BEST3: variants seen among roughly 807,000 people sequenced by gnomAD.
BEST3 encodes the protein bestrophin 3, also known as bestrophin-3.
Under a neutral mutation model 47.1 loss-of-function variants are expected in BEST3, and 50 were observed. The observed-to-expected ratio is 1.06, with a 90% CI of 0.85 to 1.34. BEST3 has a LOEUF of 1.34. Ranked by LOEUF, BEST3 falls within the 40% of genes most tolerant of loss-of-function variation. The pLI, the probability that BEST3 is intolerant of heterozygous loss-of-function variation, is 0.00. For missense variants in BEST3, 765 were observed against 817.0 expected (o/e 0.94, Z 0.78); for synonymous variants, 282 against 298.8 (o/e 0.94, Z 0.58).
At chr12:69,670,210 A>T in intron 9 of BEST3, 3 of 459,466 alleles carry the variant, frequency 6.5e-6, no homozygotes, top group Non-Finnish European at 1.2e-5. Flanking sequence ...AGACATGCAT[A>T]CAACAAGAGA....
intron 9 of BEST3, among the ~76,000 whole-genome samples, chr12:69,663,235 A>G (rs964669664): frequency 2.0e-5 from 3 of 152,214 alleles, no homozygotes; most frequent in African/African-American, 7.2e-5. Context: ...TTCTAACTCT[A>G]CCTCAAGCCA....
chr12:69,668,410 G>A (rs1489358671), intron 9 of BEST3, among the ~76,000 whole-genome samples: 3 of 152,150 alleles, frequency 2.0e-5, no homozygotes, highest in South Asian at 4.1e-4. Context: ...ATCTTGACAC[G>A]TGATCTTCAC....
rs1257073231 is a variant in BEST3 at position 69,654,287 on chromosome 12, A to T, written c.*620T>A. Reference sequence around the variant, plus strand: ...GGGAAAAAAAGGATGACAGAATAAAAGGAAAAGAGAGAAAAGTAAAAAAGG... The same window carrying T: ...GGGAAAAAAAGGATGACAGAATAAATGGAAAAGAGAGAAAAGTAAAAAAGG... On this transcript the variant is annotated 3_prime_UTR_variant, in exon 10 of 10. Coordinates refer to ENST00000330891, the MANE Select transcript of BEST3 (RefSeq NM_032735.3). The T allele has an allele frequency of 1.0e-6, 1 of 984,766 alleles. No individual in the cohort carries two copies. The highest frequency in any genetic ancestry group is 1.1e-4 in the East Asian group (1 of 8,828). The allele number at this position is 984,766 out of a possible 1,614,324, so 61.0% of individuals were successfully genotyped here.
intron 2 of BEST3, among the ~76,000 whole-genome samples, chr12:69,694,715 T>G (rs1886069928): frequency 6.6e-6 from 1 of 152,178 alleles, no homozygotes; most frequent in South Asian, 2.1e-4. Context: ...TTTTAAAAAC[T>G]TTATATTTTA....
At position 69,685,773 on chromosome 12, in the gene BEST3, C is replaced by T. The variant is rs78516830; in HGVS notation, c.482-6880G>A. 3.9e-3 allele frequency among the ~76,000 whole-genome samples: 599 copies of T among 152,262 alleles called. 10 individuals carry two copies. The highest frequency in any genetic ancestry group is 0.014 in the African/African-American group (588 of 41,552). ...GGAATCTGCAGTTTAAATAAGCACC[C>T]TGGCTAATCAGTGAATGTGGTCTGC... On this transcript the variant is annotated intron_variant, in intron 4 of 9. Coordinates refer to ENST00000330891, the MANE Select transcript of BEST3 (RefSeq NM_032735.3).
chr12:69,643,949 CAT>C (rs373256273), intron 9 of BEST3, among the ~76,000 whole-genome samples: 12 of 152,304 alleles, frequency 7.9e-5, no homozygotes, highest in African/African-American at 2.4e-4. Flanking sequence ...AAAAACCTCA[CAT>C]GTGTACAAAG....
Position 69,655,892 on chromosome 12 carries a change from A to T in BEST3, c.1101-79T>A, listed in dbSNP as rs1027106970. The T allele has an allele frequency of 1.0e-4, 153 of 1,500,842 alleles. No individual in the cohort carries two copies. In the African/African-American group the frequency reaches 2.0e-3, roughly 19 times the overall value. 93.0% of individuals were successfully genotyped at this position (1,500,842 alleles called of 1,614,324 possible). A position where few individuals can be genotyped will look rare whatever the true frequency, so the allele number is the denominator to read the frequency against. On this transcript the variant is annotated intron_variant, in intron 9 of 9. Coordinates refer to ENST00000330891, the MANE Select transcript of BEST3 (RefSeq NM_032735.3). ...GGGGGCAGAGTCTCAAAGTTAAGAG[A>T]TGACTTTGGTATTTTTGCCTTATAG...
chr12:69,655,521 TGA>T lies in BEST3; in HGVS notation c.1391_1392del (p.Phe464Ter). 6.2e-7 allele frequency: 1 copy of T among 1,614,160 alleles called. No individual in the cohort carries two copies. The highest frequency in any genetic ancestry group is 8.5e-7 in the Non-Finnish European group (1 of 1,180,006). ...CFPEGSPTLH[F>X]SMGELSTIRE... ...CTGATGGTGGACAGCTCTCCCATGC[TGA>T]AGTGCAGCGTGGGGCTTCCTTCTGG... is the stretch of plus-strand genomic sequence containing the variant. On this transcript the variant is annotated frameshift_variant, in exon 10 of 10. Transcript: ENST00000330891. LOFTEE classifies it low-confidence loss of function (END_TRUNC).
chr12:69,678,672 G>C, intron 5 of BEST3, 67 bp downstream of exon 5: 1 of 1,468,684 alleles, frequency 6.8e-7, no homozygotes, highest in Non-Finnish European at 9.5e-7. Context: ...CTGGTCTAAC[G>C]TGTTATATCC....
intron 9 of BEST3, among the ~76,000 whole-genome samples, 166 bp downstream of exon 9, chr12:69,671,262 T>C (rs1884551176): frequency 6.6e-6 from 1 of 152,174 alleles, no homozygotes; most frequent in Non-Finnish European, 1.5e-5. Flanking sequence ...ACCCCTGGGC[T>C]CAAGCAATCC....
intron 5 of BEST3, 67 bp from the exon 6 acceptor site, chr12:69,677,324 A>G (rs892646497): frequency 1.5e-6 from 2 of 1,359,414 alleles, no homozygotes; most frequent in Non-Finnish European, 2.1e-6. Context: ...ACTTACTGGG[A>G]CTCAGAATGT....
chr12:69,686,676 G>A (rs944785474), intron 4 of BEST3, among the ~76,000 whole-genome samples: 3 of 148,988 alleles, frequency 2.0e-5, no homozygotes, highest in Admixed American at 6.9e-5. Context: ...GGCAGCTGAG[G>A]CAGAAGAAGC....
At chr12:69,647,170 C>T (rs1291184600) in intron 9 of BEST3, among the ~76,000 whole-genome samples, 1 of 152,182 alleles carries the variant, frequency 6.6e-6, no homozygotes, top group Non-Finnish European at 1.5e-5. Context: ...TGATCCCAGG[C>T]TCTAAATAGA....
intron 5 of BEST3, among the ~76,000 whole-genome samples, chr12:69,678,278 G>T (rs938933670): frequency 6.6e-6 from 1 of 151,944 alleles, no homozygotes; most frequent in Non-Finnish European, 1.5e-5. Flanking sequence ...TTTGATTAAT[G>T]AAAATACTAT....
intron 9 of BEST3, among the ~76,000 whole-genome samples, chr12:69,657,657 C>T (rs1376429762): frequency 1.3e-5 from 2 of 152,122 alleles, no homozygotes; most frequent in African/African-American, 4.8e-5. Context: ...TCTCTGGTGA[C>T]AAGATGCCGG....
rs890233859 is a variant in BEST3, at chr12:69,653,764, C to T, written c.*1143G>A. 1.3e-5 allele frequency: 13 copies of T among 985,300 alleles called. No individual in the cohort carries two copies. The highest frequency in any genetic ancestry group is 1.7e-5 in the African/African-American group (1 of 57,210). The allele number at this position is 985,300 out of a possible 1,614,324, so 61.0% of individuals were successfully genotyped here. A position where few individuals can be genotyped will look rare whatever the true frequency, so the allele number is the denominator to read the frequency against. On this transcript the variant is annotated 3_prime_UTR_variant, in exon 10 of 10. Transcript: ENST00000330891. ...GCTCCCTGGGAGGAGTACCAACATC[C>T]GATCCCCATTATGCAGCTCTGGACC...
At position 69,645,069 on chromosome 12, in the gene BEST3, T is replaced by C. The variant is rs541231497; in HGVS notation, c.1101-1282A>G. Among the ~76,000 whole-genome samples, 24 of 152,312 alleles carry C rather than the reference T, an allele frequency of 1.6e-4. No individual in the cohort carries two copies. The South Asian group carries it at 3.7e-3, about 24-fold the overall frequency. Reference sequence around the variant, plus strand: ...ATTGAAGAACCTATGGGGGGCCTCTTTTCTTTGATGATATTTGGTTTTTAT... The same window carrying C: ...ATTGAAGAACCTATGGGGGGCCTCTCTTCTTTGATGATATTTGGTTTTTAT... On this transcript the variant is annotated intron_variant, in intron 9 of 9. Transcript: ENST00000331471.
In BEST3 at chr12:69,676,934, G is replaced by A. The variant is rs1401869937; in HGVS notation, c.849C>T (p.Phe283=). ...IPIFTLLQFF[F]YAGWLKVAEQ... ...TGGCTACCTTAAGCCATCCTGCATA[G>A]AAGAAGAATTGTAGGAGGGTGAAGA... Residue 283 remains phenylalanine (F), a synonymous_variant, in exon 7 of 10, where the codon TTC becomes TTT. Coordinates refer to ENST00000330891, the MANE Select transcript of BEST3 (RefSeq NM_032735.3). 2 of 1,613,650 alleles carry A rather than the reference G, an allele frequency of 1.2e-6. No homozygotes were observed. Among genetic ancestry groups the A allele is most frequent in the Middle Eastern group, 1.7e-4 (1 of 6,016 alleles).
At chr12:69,648,396 C>A (rs1007974518) in intron 9 of BEST3, among the ~76,000 whole-genome samples, 1 of 152,046 alleles carries the variant, frequency 6.6e-6, no homozygotes, top group Non-Finnish European at 1.5e-5. Flanking sequence ...ACAGATGAGA[C>A]CTATACTACA....
Sources: allele counts gnomAD v4.1 joint callset (sites outside exome capture counted in the v4.1 genomes callset), GRCh38; gene constraint gnomAD v4.1.1; transcripts MANE v1.5; gene names NCBI Gene and HGNC (gene_info 2026-07-23, HGNC 2026-07-21).